The following ENTHD1 variants were observed in gnomAD, a reference collection of about 807,000 sequenced individuals.
The protein encoded by ENTHD1 is ENTH domain-containing protein 1.
In ENTHD1, 23 loss-of-function variants were observed where a neutral mutation model predicts 39.1. The ratio of observed to expected loss-of-function variants is 0.59; its 90% CI spans 0.42 to 0.83. ENTHD1 has a LOEUF of 0.83. Ranked by LOEUF, ENTHD1 falls within the 40% of genes least tolerant of loss-of-function variation. ENTHD1 has a pLI of 0.00. For synonymous variants in ENTHD1, 230 were observed against 258.2 expected (o/e 0.89, Z 1.05); for missense variants, 624 against 705.4 (o/e 0.88, Z 1.31).
chr22:39,881,217 A>C (rs1376931978), intron 2 of ENTHD1, among the ~76,000 whole-genome samples: 4 of 152,232 alleles, frequency 2.6e-5, no homozygotes, highest in African/African-American at 9.6e-5. Context: ...TCTATAGCCT[A>C]GACACTGTTT....
At chr22:39,888,601 T>C (rs2146781802) in intron 1 of ENTHD1, among the ~76,000 whole-genome samples, 1 of 152,256 alleles carries the variant, frequency 6.6e-6, no homozygotes, top group African/African-American at 2.4e-5. Context: ...CTAATTTTTG[T>C]ATTTTTAGTA....
intron 5 of ENTHD1, among the ~76,000 whole-genome samples, chr22:39,791,908 C>G (rs752328397): frequency 6.6e-6 from 1 of 151,874 alleles, no homozygotes. Context: ...CTCAAGTAGG[C>G]CCTAGTGTCT....
At chr22:39,843,891 C>T (rs1569164098) in intron 3 of ENTHD1, among the ~76,000 whole-genome samples, 1 of 152,156 alleles carries the variant, frequency 6.6e-6, no homozygotes, top group Non-Finnish European at 1.5e-5. Flanking sequence ...TCCCACAACT[C>T]AAGAGTGCCT....
chr22:39,868,444 C>G (rs918516945), intron 2 of ENTHD1, among the ~76,000 whole-genome samples: 3 of 150,364 alleles, frequency 2.0e-5, no homozygotes, highest in Non-Finnish European at 3.0e-5. Flanking sequence ...TTCTAAAATA[C>G]ACATTTTTAA....
chr22:39,821,432 A>G (rs753489242), intron 4 of ENTHD1, among the ~76,000 whole-genome samples: 2 of 152,348 alleles, frequency 1.3e-5, no homozygotes, highest in African/African-American at 4.8e-5. Flanking sequence ...CTCACTGGCA[A>G]TCATAAAGTC....
At chr22:39,874,729 C>G (rs1025091354) in intron 2 of ENTHD1, among the ~76,000 whole-genome samples, 1 of 152,146 alleles carries the variant, frequency 6.6e-6, no homozygotes, top group Admixed American at 6.5e-5. Flanking sequence ...AATACTTGAA[C>G]AGGCAAAAGA....
chr22:39,759,170 TG>T (rs1318412222), intron 6 of ENTHD1, among the ~76,000 whole-genome samples: 1 of 152,160 alleles, frequency 6.6e-6, no homozygotes, highest in Non-Finnish European at 1.5e-5. Flanking sequence ...CTGAAAAAAT[TG>T]GCACATGATT....
intron 5 of ENTHD1, among the ~76,000 whole-genome samples, chr22:39,792,914 GA>G (rs1219385015): frequency 6.6e-6 from 1 of 152,106 alleles, no homozygotes; most frequent in Admixed American, 6.6e-5. Flanking sequence ...GTATCATTTT[GA>G]TATAATGATT....
At chr22:39,830,158 C>G (rs771118159) in intron 4 of ENTHD1, among the ~76,000 whole-genome samples, 2 of 152,166 alleles carry the variant, frequency 1.3e-5, no homozygotes, top group Non-Finnish European at 2.9e-5. Flanking sequence ...TCACTGCAAC[C>G]TCTGCCTCCC....
At chr22:39,805,299 T>C (rs1217397794) in intron 5 of ENTHD1, among the ~76,000 whole-genome samples, 1 of 152,082 alleles carries the variant, frequency 6.6e-6, no homozygotes. Flanking sequence ...ATGGAAGAAA[T>C]AGAACGGAAG....
At chr22:39,827,446 G>A (rs951673393) in intron 4 of ENTHD1, among the ~76,000 whole-genome samples, 2 of 152,050 alleles carry the variant, frequency 1.3e-5, no homozygotes, top group African/African-American at 4.8e-5. Context: ...TAAAGAACCA[G>A]GAAGTGGGCT....
intron 3 of ENTHD1, among the ~76,000 whole-genome samples, chr22:39,847,732 G>A (rs190565896): frequency 6.6e-6 from 1 of 151,882 alleles, no homozygotes; most frequent in African/African-American, 2.4e-5. Flanking sequence ...TATTGATCTG[G>A]GCAAAGAACT....
intron 2 of ENTHD1, among the ~76,000 whole-genome samples, chr22:39,864,355 AT>A (rs1319164003): frequency 1.3e-5 from 2 of 152,138 alleles, no homozygotes; most frequent in African/African-American, 4.8e-5. Flanking sequence ...GTGTGGCTCT[AT>A]CCCTGATTCA....
intron 5 of ENTHD1, among the ~76,000 whole-genome samples, chr22:39,800,535 T>A (rs1389066064): frequency 6.6e-6 from 1 of 152,230 alleles, no homozygotes; most frequent in Non-Finnish European, 1.5e-5. Context: ...CTAGAGTCAG[T>A]TTAGCCTCCT....
At chr22:39,782,713 A>G (rs1466583095) in intron 5 of ENTHD1, among the ~76,000 whole-genome samples, 1 of 152,214 alleles carries the variant, frequency 6.6e-6, no homozygotes, top group Non-Finnish European at 1.5e-5. Flanking sequence ...CAAAAACCAT[A>G]TGATTATTTC....
At chr22:39,791,208 T>G (rs2146600854) in intron 5 of ENTHD1, among the ~76,000 whole-genome samples, 1 of 147,956 alleles carries the variant, frequency 6.8e-6, no homozygotes, top group Admixed American at 6.8e-5. Context: ...TAAAGTCTAA[T>G]ATCTTTAGAC....
intron 5 of ENTHD1, among the ~76,000 whole-genome samples, chr22:39,804,452 CAAAAAA>C (rs541007024): frequency 1.0e-4 from 8 of 78,060 alleles, no homozygotes; most frequent in Non-Finnish European, 1.9e-4. Flanking sequence ...GACTCTGTCT[CAAAAAA>C]AAAAAAAAAA....
chr22:39,829,473 T>C (rs971025349), intron 4 of ENTHD1, among the ~76,000 whole-genome samples: 29 of 151,672 alleles, frequency 1.9e-4, no homozygotes, highest in Non-Finnish European at 1.2e-4. Flanking sequence ...CAGCAGAAAA[T>C]AGGCTGATCT....
At chr22:39,798,784 C>T (rs759409628) in intron 5 of ENTHD1, among the ~76,000 whole-genome samples, 13 of 152,086 alleles carry the variant, frequency 8.5e-5, no homozygotes, top group Admixed American at 6.6e-4. Context: ...GCAAGTCCTC[C>T]GTCCCCTGGG....
Sources: allele counts gnomAD v4.1 joint callset (sites outside exome capture counted in the v4.1 genomes callset), GRCh38; gene constraint gnomAD v4.1.1; transcripts MANE v1.5; gene names NCBI Gene and HGNC (gene_info 2026-07-23, HGNC 2026-07-21).